NBR1: variants seen among roughly 807,000 people sequenced by gnomAD.
NBR1 encodes the protein NBR1 autophagy cargo receptor, also known as next to BRCA1 gene 1 protein.
Under a neutral mutation model 115.5 loss-of-function variants are expected in NBR1, and 59 were observed. The observed-to-expected ratio is 0.51, with a 90% CI of 0.41 to 0.63. The LOEUF (loss-of-function observed/expected upper bound fraction) is 0.63. Ranked by LOEUF, NBR1 falls within the 30% of genes least tolerant of loss-of-function variation. The pLI, the probability that NBR1 is intolerant of heterozygous loss-of-function variation, is 0.00. For missense variants in NBR1, 1,043 were observed against 1,150.5 expected (o/e 0.91, Z 1.35); for synonymous variants, 373 against 414.7 (o/e 0.90, Z 1.22).
At position 43,200,355 on chromosome 17, in the gene NBR1, TGCTTTGATACCA is replaced by T. The variant is rs2057168944; in HGVS notation, c.2218_2229del (p.Phe740_Ser743del). The stretch of plus-strand genomic sequence containing the variant: ...GGATTACATCATCATCCTGCCTGAG[TGCTTTGATACCA>T]GCCGCCCCCTGGGGGATTCTATGTA... On this transcript the variant is annotated inframe_deletion, in exon 17 of 21. Transcript: ENST00000590996. 1.3e-6 allele frequency: 2 copies of T among 1,558,318 alleles called. No individual in the cohort carries two copies. The highest frequency in any genetic ancestry group is 3.3e-4 in the Middle Eastern group (2 of 6,000).
At chr17:43,188,913 A>G in intron 6 of NBR1, 129 bp from the exon 7 acceptor site, 2 of 659,762 alleles carry the variant, frequency 3.0e-6, no homozygotes, top group Middle Eastern at 2.8e-4. Context: ...ACGCCTTCAT[A>G]CTGTGACTTT....
In NBR1 at chr17:43,197,023, T is replaced by G; in HGVS notation, c.1943T>G (p.Phe648Cys). 1 of 1,613,946 alleles carries G rather than the reference T, an allele frequency of 6.2e-7. No individual in the cohort carries two copies. The highest frequency in any genetic ancestry group is 8.5e-7 in the Non-Finnish European group (1 of 1,179,874). ...GAAGAAGACCTGAGTGGGACCCAGT[T>G]TGTGTGTGAGACAGTAATCCGATCC... is the stretch of plus-strand genomic sequence containing the variant. ...EAEEDLSGTQ[F>C]VCETVIRSLT... The change falls in exon 16 of 21, where the codon TTT becomes TGT. Residue 648 changes from phenylalanine (F) to cysteine (C), a missense_variant. By Grantham distance (205) the Phe-to-Cys change is radical. Coordinates refer to ENST00000590996, the MANE Select transcript of NBR1 (RefSeq NM_005899.5).
At chr17:43,174,319 G>A (rs189922082) in intron 1 of NBR1, among the ~76,000 whole-genome samples, 35 of 152,158 alleles carry the variant, frequency 2.3e-4, no homozygotes, top group East Asian at 9.7e-4. Flanking sequence ...AAAATAGTCC[G>A]GGCATGGTGG....
At chr17:43,181,260 A>C (rs1441882084) in intron 5 of NBR1, among the ~76,000 whole-genome samples, 1 of 152,258 alleles carries the variant, frequency 6.6e-6, no homozygotes, top group African/African-American at 2.4e-5. Context: ...ACCTGTTTAT[A>C]GGGAGACTGA....
intron 5 of NBR1, among the ~76,000 whole-genome samples, chr17:43,185,612 G>C (rs1455324667): frequency 6.6e-6 from 1 of 152,156 alleles, no homozygotes; most frequent in African/African-American, 2.4e-5. Context: ...GAGGTGGGAA[G>C]ATCGCTTGAG....
At chr17:43,194,550 G>T in intron 13 of NBR1, 51 bp downstream of exon 13, 3 of 1,601,810 alleles carry the variant, frequency 1.9e-6, no homozygotes, top group South Asian at 1.1e-5. Context: ...GAGAGCACAG[G>T]AGAGAAGGTG....
Position 43,210,138 on chromosome 17 carries a change from T to A in NBR1, c.*64T>A. The A allele has an allele frequency of 6.7e-7, 1 of 1,490,520 alleles. No individual in the cohort carries two copies. The highest frequency in any genetic ancestry group is 9.1e-7 in the Non-Finnish European group (1 of 1,098,414). 92.3% of individuals were successfully genotyped at this position (1,490,520 alleles called of 1,614,324 possible). A position where few individuals can be genotyped will look rare whatever the true frequency, so the allele number is the denominator to read the frequency against. On this transcript the variant is annotated 3_prime_UTR_variant, in exon 21 of 21. Transcript: ENST00000590996. ...GATGATCTTTATTCTGTCATTGGGG[T>A]ATGGGATAGAAGCCCTTGCTTATTT... is the stretch of plus-strand genomic sequence containing the variant.
At chr17:43,175,024 A>C (rs997936733) in intron 1 of NBR1, among the ~76,000 whole-genome samples, 5 of 152,014 alleles carry the variant, frequency 3.3e-5, no homozygotes, top group African/African-American at 1.2e-4. Context: ...GCGTGAACCC[A>C]GGAGGTGGAG....
intron 6 of NBR1, among the ~76,000 whole-genome samples, chr17:43,186,834 GC>G (rs2056815252): frequency 6.6e-6 from 1 of 152,122 alleles, no homozygotes; most frequent in African/African-American, 2.4e-5. Flanking sequence ...CCATGTCCCT[GC>G]AAAAGACATG....
At chr17:43,175,760 C>G in intron 1 of NBR1, 31 bp from the exon 2 acceptor site, 1 of 1,061,668 alleles carries the variant, frequency 9.4e-7, no homozygotes, top group East Asian at 2.5e-5. Flanking sequence ...ATGTGTTTTT[C>G]TCTCTCTCCC....
chr17:43,202,353 A>G (rs1165973703), intron 18 of NBR1, among the ~76,000 whole-genome samples: 1 of 152,100 alleles, frequency 6.6e-6, no homozygotes, highest in African/African-American at 2.4e-5. Flanking sequence ...CCTGACTAGC[A>G]GTTCAGCAGG....
chr17:43,205,564 T>C lies in NBR1; in HGVS notation c.2727+1778T>C, dbSNP rs2057297325. 4.0e-5 allele frequency among the ~76,000 whole-genome samples: 6 copies of C among 151,898 alleles called. No homozygotes were observed. The South Asian group carries it at 1.3e-3, about 32-fold the overall frequency. On this transcript the variant is annotated intron_variant, in intron 20 of 20. Transcript: ENST00000590996. ...ATGTGAGCATGGAGTGTGAATCCGG[T>C]CTAAGAAGAGGAGTAAGACGAAAAA...
chr17:43,193,412 G>C lies in NBR1; in HGVS notation c.1298G>C (p.Cys433Ser), dbSNP rs371445986. ...GAAAAGAAGGATGTTTTGGTTCCCT[G>C]CCTCAAGGCCGGCCATGTGGGAGTT... Reference protein sequence around the residue: ...STEKKDVLVPCLKAGHVGVVS... With the variant: ...STEKKDVLVPSLKAGHVGVVS... The change falls in exon 12 of 21, where the codon TGC becomes TCC. Residue 433 changes from cysteine (C) to serine (S), a missense_variant. Coordinates refer to ENST00000590996, the MANE Select transcript of NBR1 (RefSeq NM_005899.5). 5.4e-5 allele frequency: 87 copies of C among 1,613,868 alleles called. No individual in the cohort carries two copies. The highest frequency in any genetic ancestry group is 6.3e-5 in the Non-Finnish European group (74 of 1,179,904).
intron 20 of NBR1, among the ~76,000 whole-genome samples, chr17:43,206,673 T>A (rs531706449): frequency 6.9e-6 from 1 of 145,274 alleles, no homozygotes; most frequent in African/African-American, 2.6e-5. Flanking sequence ...AAAAAGGAAA[T>A]CCCTAAGAGA....
intron 5 of NBR1, 34 bp downstream of exon 5, chr17:43,180,851 TA>T: frequency 1.5e-6 from 2 of 1,373,278 alleles, no homozygotes; most frequent in Non-Finnish European, 9.5e-7. Context: ...TTAAATAATT[TA>T]AAAAATATTA....
intron 18 of NBR1, among the ~76,000 whole-genome samples, chr17:43,202,180 A>G (rs903701421): frequency 1.0e-4 from 1 of 9,844 alleles, no homozygotes; most frequent in African/African-American, 1.0e-4. Context: ...ACTCCGTCTG[A>G]AAAAAAAAAA....
intron 15 of NBR1, 122 bp from the exon 16 acceptor site, chr17:43,196,820 C>T: frequency 1.8e-6 from 2 of 1,134,236 alleles, no homozygotes; most frequent in Non-Finnish European, 2.5e-6. Context: ...CTTTAAACAC[C>T]AAGTGCAGAC....
chr17:43,206,342 A>G (rs1467075426), intron 20 of NBR1, among the ~76,000 whole-genome samples: 2 of 151,884 alleles, frequency 1.3e-5, no homozygotes, highest in African/African-American at 4.8e-5. Context: ...TACCGGCTAC[A>G]TTGTAGAGGC....
chr17:43,189,920 T>C, intron 8 of NBR1, 118 bp downstream of exon 8: 1 of 839,230 alleles, frequency 1.2e-6, no homozygotes, highest in East Asian at 2.4e-5. Flanking sequence ...TTAGATGTTG[T>C]AGCTGTGAGT....
Sources: gnomAD v4.1 joint callset for allele counts (sites outside exome capture counted in the v4.1 genomes callset) on GRCh38, gnomAD v4.1.1 for gene constraint, MANE v1.5 for transcripts, NCBI Gene and HGNC (gene_info 2026-07-23, HGNC 2026-07-21) for gene names.